The following ZNF787 variants were observed in gnomAD, a reference collection of about 807,000 sequenced individuals.
The protein encoded by ZNF787 is TTF-I-interacting peptide 20.
A neutral mutation model predicts 16.9 loss-of-function variants in ZNF787; 7 were observed. That is an observed-to-expected ratio of 0.42 (90% CI 0.24 to 0.78). The LOEUF is 0.78. Among genes scored for constraint, ZNF787 ranks in the 30% least tolerant of loss-of-function variants. The probability of loss-of-function intolerance (pLI) is 0.30; values close to 1 mark genes in which losing one functional copy is unlikely to be tolerated. For synonymous variants in ZNF787, 345 were observed against 270.9 expected, an observed-to-expected ratio of 1.27 and a Z score of -2.69; for missense variants, 551 against 589.3, an observed-to-expected ratio of 0.94 and a Z score of 0.67.
At chr19:56,117,062 C>G (rs1163279573) in intron 1 of ZNF787, among the ~76,000 whole-genome samples, 5 of 152,176 alleles carry the variant, frequency 3.3e-5, no homozygotes, top group Non-Finnish European at 5.9e-5. Context: ...ATCTGGCCCC[C>G]CAGGAACCAG....
intron 1 of ZNF787, among the ~76,000 whole-genome samples, chr19:56,115,086 G>C (rs2030092323): frequency 6.6e-6 from 1 of 151,968 alleles, no homozygotes; most frequent in Admixed American, 6.6e-5. Context: ...CTCAGCCCCG[G>C]GACATCTCTG....
At chr19:56,099,261 C>T (rs1194457083) in intron 2 of ZNF787, among the ~76,000 whole-genome samples, 4 of 152,322 alleles carry the variant, frequency 2.6e-5, no homozygotes, top group Non-Finnish European at 5.9e-5. Flanking sequence ...GCCCCCAAGA[C>T]GGGACCCTCT....
intron 1 of ZNF787, among the ~76,000 whole-genome samples, chr19:56,120,799 C>A (rs1489072912): frequency 6.6e-6 from 1 of 150,772 alleles, no homozygotes; most frequent in Non-Finnish European, 1.5e-5. Flanking sequence ...GGGGGACGGA[C>A]AGCGGCCCCA....
chr19:56,098,889 G>A (rs937164484), intron 2 of ZNF787, among the ~76,000 whole-genome samples: 3 of 150,382 alleles, frequency 2.0e-5, no homozygotes, highest in African/African-American at 7.5e-5. Context: ...CAGGGTGATG[G>A]AGCCTAGGTG....
Position 56,088,002 on chromosome 19 carries a change from C to CCG in ZNF787, c.*20_*21insCG. 12 of 45,538 alleles carry CCG rather than the reference C, an allele frequency of 2.6e-4. No homozygotes were observed. Among genetic ancestry groups the CCG allele is most frequent in the Non-Finnish European group, 4.6e-4 (11 of 23,934 alleles). 2.8% of individuals were successfully genotyped at this position (45,538 alleles called of 1,614,324 possible). ...GCCAAGCCCGAGGGGCCCTGCCCGC[C>CCG]CCCCCCCCCGGGCCCCTCCCCTACC... On this transcript the variant is annotated 3_prime_UTR_variant, in exon 3 of 3. Transcript: ENST00000610935. This position sits in a 1 kb window ranked among gnomAD's most constrained non-coding sequence, Gnocchi z 8.6.
At chr19:56,103,051 AG>A (rs1412981048) in intron 2 of ZNF787, 87 bp downstream of exon 2, 2 of 1,452,800 alleles carry the variant, frequency 1.4e-6, no homozygotes, top group Non-Finnish European at 1.9e-6. Context: ...AAAACAGGGA[AG>A]GGGGGTTTCC....
Position 56,088,188 on chromosome 19 carries a change from C to A in ZNF787, c.984G>T (p.Gln328His). 6.5e-7 allele frequency: 1 copy of A among 1,542,868 alleles called. No homozygotes were observed. The highest frequency in any genetic ancestry group is 8.7e-7 in the Non-Finnish European group (1 of 1,150,646). The change falls in exon 3 of 3, where the codon CAG becomes CAT. Residue 328 changes from glutamine to histidine, a missense_variant. This residue lies in a region of ZNF787 where 392 missense variants were observed against 312.7 expected (regional missense o/e 1.25). Transcript: ENST00000610935. This position sits in a 1 kb window ranked among gnomAD's most constrained non-coding sequence, Gnocchi z 8.6. ...ICVECGEGFVQGAALRRHKKI... is the reference protein window; with the variant it reads ...ICVECGEGFVHGAALRRHKKI... ...TCTTGTGTCTCCGGAGCGCGGCGCC[C>A]TGCACGAAGCCCTCCCCGCACTCCA...
chr19:56,099,858 G>C (rs1243642624), intron 2 of ZNF787, among the ~76,000 whole-genome samples: 1 of 152,158 alleles, frequency 6.6e-6, no homozygotes, highest in Admixed American at 6.5e-5. Context: ...ACAGTGTGTA[G>C]GGCTGGGAGG....
chr19:56,088,672 TTG>T lies in ZNF787; in HGVS notation c.498_499del (p.Lys167AlafsTer49). 6.3e-7 allele frequency: 1 copy of T among 1,580,156 alleles called. No homozygotes were observed. Among genetic ancestry groups the T allele is most frequent in the Non-Finnish European group, 8.6e-7 (1 of 1,167,884 alleles). Reference sequence around the variant, plus strand: ...GAGGCCGCTGTGCGAGCGCCGGTGCTTGGCCAGGCTCTTGCTCTGAGTGAAGC... The same window carrying T: ...GAGGCCGCTGTGCGAGCGCCGGTGCTGCCAGGCTCTTGCTCTGAGTGAAGC... On this transcript the variant is annotated frameshift_variant, in exon 3 of 3. Transcript: ENST00000610935. LOFTEE classifies it high-confidence loss of function. The surrounding 1 kb of genome is among the most constrained non-coding windows in gnomAD (Gnocchi z 8.6).
intron 2 of ZNF787, among the ~76,000 whole-genome samples, chr19:56,098,301 C>T (rs1238755528): frequency 6.6e-6 from 1 of 152,222 alleles, no homozygotes; most frequent in Non-Finnish European, 1.5e-5. Context: ...TCCTCTGGAT[C>T]GTGGGGACCC....
chr19:56,101,696 G>A (rs1392736437), intron 2 of ZNF787: 1 of 152,108 alleles, frequency 6.6e-6, no homozygotes, highest in African/African-American at 2.4e-5. Flanking sequence ...ATGATGTGAT[G>A]GATATTTTCT....
rs150722212 is a variant in ZNF787, at chr19:56,092,016, A to ACCGAAG, written c.80-2930_80-2925dup. On this transcript the variant is annotated intron_variant, in intron 2 of 2. Coordinates refer to ENST00000610935, the MANE Select transcript of ZNF787 (RefSeq NM_001002836.4). ...AAGCCAAACGGAAGCCAAAGCCGAAACCGAAGCCGAAGCCGAAGCCGAAGC... is the reference window on the plus strand; with the variant it reads ...AAGCCAAACGGAAGCCAAAGCCGAAACCGAAGCCGAAGCCGAAGCCGAAGCCGAAGC... Among the ~76,000 whole-genome samples, 460 of 145,010 alleles carry ACCGAAG rather than the reference A, an allele frequency of 3.2e-3. 2 individuals are homozygous for ACCGAAG. The highest frequency in any genetic ancestry group is 0.01 in the Middle Eastern group (3 of 290).
At chr19:56,105,602 C>T (rs1286638633) in intron 1 of ZNF787, 1 of 152,144 alleles carries the variant, frequency 6.6e-6, no homozygotes, top group Non-Finnish European at 1.5e-5. Context: ...CTGTAACCAC[C>T]CAGCTTCTCG....
chr19:56,106,639 G>A (rs2123416908), intron 1 of ZNF787, among the ~76,000 whole-genome samples: 2 of 152,252 alleles, frequency 1.3e-5, no homozygotes, highest in African/African-American at 2.4e-5. Flanking sequence ...ACACAGCGGC[G>A]CCACCCCACC....
intron 2 of ZNF787, among the ~76,000 whole-genome samples, chr19:56,090,550 G>A (rs996230395): frequency 3.9e-5 from 6 of 152,098 alleles, no homozygotes; most frequent in African/African-American, 7.2e-5. Flanking sequence ...TGCCCGGAGC[G>A]GTGGCTCACG....
Position 56,088,536 on chromosome 19 carries a change from C to A in ZNF787, c.636G>T (p.Val212=). The change falls in exon 3 of 3, where the codon GTG becomes GTT. Residue 212 remains valine (V), a synonymous_variant. Transcript: ENST00000610935. This position sits in a 1 kb window ranked among gnomAD's most constrained non-coding sequence, Gnocchi z 8.6. ...TGGCCCGCCGGACGCTAGCCGCCAG[C>A]ACCTTGGCCGCCACGCCAGGCCCCG... ...ELSGPGVAAK[V]LAASVRRAKG... 6.9e-7 allele frequency: 1 copy of A among 1,452,540 alleles called. No homozygotes were observed. 90.0% of individuals were successfully genotyped at this position (1,452,540 alleles called of 1,614,324 possible).
At position 56,114,876 on chromosome 19, in the gene ZNF787, G is replaced by A. The variant is rs144803651; in HGVS notation, c.-11+6296C>T. Among the ~76,000 whole-genome samples, 324 of 152,016 alleles carry A rather than the reference G, an allele frequency of 2.1e-3. 1 individual carries two copies. The highest frequency in any genetic ancestry group is 7.5e-3 in the South Asian group (36 of 4,818). Reference sequence around the variant, plus strand: ...AGAGCCCTCTCCTGCTCACCTTCCCGCTCTGCTCCCAGCTCAAGAAGCCCA... The same window carrying A: ...AGAGCCCTCTCCTGCTCACCTTCCCACTCTGCTCCCAGCTCAAGAAGCCCA... On this transcript the variant is annotated intron_variant, in intron 1 of 2. Transcript: ENST00000610935.
At chr19:56,118,793 T>G (rs779069367) in intron 1 of ZNF787, among the ~76,000 whole-genome samples, 1 of 152,106 alleles carries the variant, frequency 6.6e-6, no homozygotes, top group Admixed American at 6.5e-5. Flanking sequence ...GAAACATGTC[T>G]GAGGATGGGT....
chr19:56,106,527 G>A (rs973262509), intron 1 of ZNF787, among the ~76,000 whole-genome samples: 1 of 152,196 alleles, frequency 6.6e-6, no homozygotes, highest in African/African-American at 2.4e-5. Context: ...AGGTGGAGGC[G>A]GGCACAACCC....
Sources: gnomAD v4.1 joint callset for allele counts (sites outside exome capture counted in the v4.1 genomes callset) on GRCh38, gnomAD v4.1.1 for gene constraint, gnomAD v4.1.1 regional missense constraint, Gnocchi (gnomAD v3.1) non-coding constraint, MANE v1.5 for transcripts, NCBI Gene and HGNC (gene_info 2026-07-23, HGNC 2026-07-21) for gene names.